Variants in UTS2B observed in about 807,000 individuals in gnomAD.
The protein encoded by UTS2B is urotensin 2B, also known as urotensin-2B.
A neutral mutation model predicts 19.2 loss-of-function variants in UTS2B; 21 were observed. The observed-to-expected ratio is 1.09, with a 90% CI of 0.78 to 1.58. The LOEUF (loss-of-function observed/expected upper bound fraction) is 1.58, where lower values mean the gene tolerates loss of function less well. UTS2B is among the 40% of genes most tolerant of loss of function. The probability of loss-of-function intolerance (pLI) is 0.00; values close to 1 mark genes in which losing one functional copy is unlikely to be tolerated. For synonymous variants in UTS2B, 57 were observed against 50.2 expected (o/e 1.14, Z -0.58); for missense variants, 138 against 130.3 (o/e 1.06, Z -0.29).
chr3:191,315,148 G>C (rs1717412753), intron 3 of UTS2B, among the ~76,000 whole-genome samples: 1 of 151,970 alleles, frequency 6.6e-6, no homozygotes, highest in Non-Finnish European at 1.5e-5. Context: ...GAGTAGCTAG[G>C]ATTATAGGCG....
chr3:191,272,366 C>T (rs1423228095), intron 8 of UTS2B, among the ~76,000 whole-genome samples: 3 of 152,156 alleles, frequency 2.0e-5, no homozygotes, highest in Non-Finnish European at 4.4e-5. Context: ...AAAATAAGTG[C>T]TAAAACTCGC....
chr3:191,271,855 C>T (rs183084630), intron 8 of UTS2B, among the ~76,000 whole-genome samples: 189 of 152,304 alleles, frequency 1.2e-3, no homozygotes, highest in African/African-American at 4.3e-3. Flanking sequence ...TAATCTTCTA[C>T]TCAATTTACT....
chr3:191,322,982 CTA>C (rs901542340), intron 2 of UTS2B, among the ~76,000 whole-genome samples: 6 of 152,098 alleles, frequency 3.9e-5, no homozygotes, highest in Admixed American at 3.9e-4. Context: ...TGCTTTGGTG[CTA>C]TGTTTGTGCT....
chr3:191,302,128 C>T (rs1017098641), intron 4 of UTS2B, among the ~76,000 whole-genome samples: 1 of 152,120 alleles, frequency 6.6e-6, no homozygotes, highest in South Asian at 2.1e-4. Context: ...GGCCAAAACC[C>T]ACCAAATTCA....
intron 3 of UTS2B, among the ~76,000 whole-genome samples, chr3:191,311,517 A>G (rs973311945): frequency 2.1e-4 from 32 of 152,170 alleles, no homozygotes; most frequent in African/African-American, 6.3e-4. Flanking sequence ...AGGTTCTATG[A>G]TTGACACTCC....
intron 4 of UTS2B, 49 bp from the exon 5 acceptor site, chr3:191,282,362 G>A: frequency 1.8e-6 from 1 of 554,418 alleles, no homozygotes; most frequent in Non-Finnish European, 3.2e-6. Flanking sequence ...AAAATGCAAT[G>A]CAATCAAGTA....
At chr3:191,300,467 C>A (rs745679343) in intron 4 of UTS2B, among the ~76,000 whole-genome samples, 5 of 152,182 alleles carry the variant, frequency 3.3e-5, no homozygotes, top group Non-Finnish European at 7.3e-5. Flanking sequence ...GGCTCATAGG[C>A]AGAAGGCACT....
rs1717497946 is a variant in UTS2B, at chr3:191,317,553, T to C, written c.-585-1114A>G. 3.4e-5 allele frequency among the ~76,000 whole-genome samples: 5 copies of C among 147,912 alleles called. No homozygotes were observed. The South Asian group carries it at 1.1e-3, about 33-fold the overall frequency. ...ACGGCTGCTAGCACGTTGTCACCTCTCATTAGGATAGTCTTTGTTGTTGTT... is the reference window on the plus strand; with the variant it reads ...ACGGCTGCTAGCACGTTGTCACCTCCCATTAGGATAGTCTTTGTTGTTGTT... On this transcript the variant is annotated intron_variant, in intron 2 of 8. Coordinates refer to ENST00000340524, the MANE Select transcript of UTS2B (RefSeq NM_198152.5).
chr3:191,325,330 A>G (rs533399369), intron 2 of UTS2B, among the ~76,000 whole-genome samples: 1 of 138,574 alleles, frequency 7.2e-6, no homozygotes, highest in South Asian at 2.2e-4. Context: ...AAAAAAGGCA[A>G]TAAGATAAAA....
chr3:191,332,890 T>C (rs959521145), upstream of UTS2B, among the ~76,000 whole-genome samples: 1 of 152,250 alleles, frequency 6.6e-6, no homozygotes, highest in Non-Finnish European at 1.5e-5. Context: ...GAGGCCTTTC[T>C]AGACATTTTG....
chr3:191,296,345 CCT>C (rs1272003103), intron 4 of UTS2B, among the ~76,000 whole-genome samples: 3 of 152,262 alleles, frequency 2.0e-5, no homozygotes, highest in African/African-American at 4.8e-5. Flanking sequence ...CAAAATCTCC[CCT>C]GATTTCTCCA....
intron 4 of UTS2B, among the ~76,000 whole-genome samples, chr3:191,283,532 G>A (rs995307238): frequency 3.3e-5 from 5 of 151,958 alleles, no homozygotes; most frequent in African/African-American, 1.2e-4. Context: ...ATGTATTTGC[G>A]AGTCTGCCTC....
chr3:191,285,625 G>A (rs150744334), intron 4 of UTS2B, among the ~76,000 whole-genome samples: 23 of 152,222 alleles, frequency 1.5e-4, no homozygotes, highest in Admixed American at 3.3e-4. Flanking sequence ...AAGTGCGCCC[G>A]GCTCGGTGGC....
intron 4 of UTS2B, among the ~76,000 whole-genome samples, chr3:191,289,691 A>G (rs939714794): frequency 6.6e-6 from 1 of 152,194 alleles, no homozygotes; most frequent in Non-Finnish European, 1.5e-5. Flanking sequence ...CAGAAGGACA[A>G]ATATTTTTAT....
chr3:191,286,627 G>A (rs1220056366), intron 4 of UTS2B, among the ~76,000 whole-genome samples: 2 of 151,858 alleles, frequency 1.3e-5, no homozygotes, highest in Middle Eastern at 3.2e-3. Flanking sequence ...GTAGTTAAAA[G>A]GGGAAAGTCT....
intron 3 of UTS2B, among the ~76,000 whole-genome samples, chr3:191,314,107 C>T (rs1218862086): frequency 6.6e-6 from 1 of 152,158 alleles, no homozygotes; most frequent in Admixed American, 6.5e-5. Context: ...CACTGCACTT[C>T]GTGACTCATC....
chr3:191,269,527 A>G (rs914638009), intron 8 of UTS2B, among the ~76,000 whole-genome samples: 2 of 150,294 alleles, frequency 1.3e-5, no homozygotes, highest in South Asian at 2.1e-4. Context: ...TTTTTAAAAG[A>G]TGAGGCTTCT....
At chr3:191,305,018 T>C (rs1038749360) in intron 3 of UTS2B, among the ~76,000 whole-genome samples, 4 of 152,250 alleles carry the variant, frequency 2.6e-5, no homozygotes, top group East Asian at 3.8e-4. Context: ...TTCTTTTTCA[T>C]GGCTGCAGAG....
intron 4 of UTS2B, among the ~76,000 whole-genome samples, chr3:191,284,738 A>C (rs75591625): frequency 0.042 from 6,365 of 151,814 alleles, 443 homozygotes; most frequent in African/African-American, 0.15. Flanking sequence ...TTTGTTTCAC[A>C]TCTTTTTTTC....
Sources: gnomAD v4.1 joint callset for allele counts (sites outside exome capture counted in the v4.1 genomes callset) on GRCh38, gnomAD v4.1.1 for gene constraint, MANE v1.5 for transcripts, NCBI Gene and HGNC (gene_info 2026-07-23, HGNC 2026-07-21) for gene names.